The following PRIM2 variants were observed in gnomAD, a reference collection of about 807,000 sequenced individuals.
PRIM2 encodes the protein DNA primase large subunit.
Under a neutral mutation model 67.3 loss-of-function variants are expected in PRIM2, and 39 were observed. The ratio of observed to expected loss-of-function variants is 0.58; its 90% CI spans 0.45 to 0.76. The LOEUF is 0.76. Ranked by LOEUF, PRIM2 falls within the 30% of genes least tolerant of loss-of-function variation. PRIM2 has a pLI of 0.00. For missense variants in PRIM2, 398 were observed against 598.7 expected (o/e 0.66, Z 3.50); for synonymous variants, 143 against 198.7 (o/e 0.72, Z 2.36).
At chr6:57,642,168 G>T (rs1362510370) in intron 13 of PRIM2, among the ~76,000 whole-genome samples, 2 of 152,070 alleles carry the variant, frequency 1.3e-5, no homozygotes, top group Admixed American at 6.5e-5. Context: ...CTCATAAGTG[G>T]GAGTTGAACA....
At chr6:57,599,848 G>A (rs1196349928) in intron 10 of PRIM2, among the ~76,000 whole-genome samples, 8 of 152,176 alleles carry the variant, frequency 5.3e-5, no homozygotes, top group African/African-American at 1.7e-4. Flanking sequence ...TTTTTTTAGA[G>A]TCAGAATATT....
the PRIM2 span, among the ~76,000 whole-genome samples, chr6:57,241,686 G>GTTTTT: frequency 5.7e-3 from 244 of 43,042 alleles, 8 homozygotes; most frequent in African/African-American, 0.016. Flanking sequence ...GCAGAACTAT[G>GTTTTT]TATTTTTTTT....
At chr6:57,276,510 A>T in the PRIM2 span, among the ~76,000 whole-genome samples, 1 of 152,278 alleles carries the variant, frequency 6.6e-6, no homozygotes, top group South Asian at 2.1e-4. Flanking sequence ...ATAGTAAAAA[A>T]GAAAAGGTAG....
At chr6:57,553,659 GT>G (rs1775448752) in intron 10 of PRIM2, among the ~76,000 whole-genome samples, 1 of 151,470 alleles carries the variant, frequency 6.6e-6, no homozygotes, top group Admixed American at 6.6e-5. Context: ...AACTCACTGT[GT>G]AAACCTTGAG....
chr6:57,392,245 C>G (rs9370593), intron 7 of PRIM2, among the ~76,000 whole-genome samples: 2 of 151,984 alleles, frequency 1.3e-5, no homozygotes, highest in Non-Finnish European at 2.9e-5. Flanking sequence ...TGCTGAAGGT[C>G]TTTATCAGCT....
chr6:57,248,746 G>A, the PRIM2 span, among the ~76,000 whole-genome samples: 2 of 152,044 alleles, frequency 1.3e-5, no homozygotes, highest in African/African-American at 2.4e-5. Flanking sequence ...ACTTCCCCTC[G>A]GAAAAAGGAG....
intron 7 of PRIM2, among the ~76,000 whole-genome samples, chr6:57,420,544 A>G (rs1360811652): frequency 2.6e-5 from 4 of 152,192 alleles, no homozygotes; most frequent in Non-Finnish European, 4.4e-5. Context: ...CAATTCTGTG[A>G]GCTTCCTAGT....
chr6:57,516,505 GTTC>G (rs1378480255), intron 8 of PRIM2, among the ~76,000 whole-genome samples: 1 of 152,120 alleles, frequency 6.6e-6, no homozygotes, highest in Non-Finnish European at 1.5e-5. Context: ...TAAGAAATGA[GTTC>G]TTAACAGAAA....
At chr6:57,268,093 C>CA in the PRIM2 span, among the ~76,000 whole-genome samples, 2 of 152,088 alleles carry the variant, frequency 1.3e-5, no homozygotes, top group African/African-American at 4.8e-5. Context: ...AGAAGAGCTC[C>CA]AAGCACATTC....
At chr6:57,269,593 T>G in the PRIM2 span, among the ~76,000 whole-genome samples, 14 of 152,290 alleles carry the variant, frequency 9.2e-5, no homozygotes, top group East Asian at 2.3e-3. Context: ...CTGTTCACTC[T>G]GATGGTAGTT....
intron 13 of PRIM2, among the ~76,000 whole-genome samples, chr6:57,633,421 A>C (rs2127499750): frequency 6.6e-6 from 1 of 152,356 alleles, no homozygotes; most frequent in African/African-American, 2.4e-5. Flanking sequence ...ACCATGCTAA[A>C]GTTTTACAAT....
chr6:57,528,362 G>A lies in PRIM2; in HGVS notation c.762-4049G>A, dbSNP rs1226772863. Among the ~76,000 whole-genome samples, 2 of 151,196 alleles carry A rather than the reference G, an allele frequency of 1.3e-5. 1 individual carries two copies. Among genetic ancestry groups the A allele is most frequent in the African/African-American group, 4.9e-5 (2 of 41,122 alleles). On this transcript the variant is annotated intron_variant, in intron 8 of 13. Transcript: ENST00000615550. ...TACCAATAAAGTCTTTGCATTCATC[G>A]TTGCTAGCATTCTCTTGCTTTTTTT...
intron 7 of PRIM2, among the ~76,000 whole-genome samples, chr6:57,491,348 G>A (rs1773885961): frequency 6.6e-6 from 1 of 152,112 alleles, no homozygotes; most frequent in African/African-American, 2.4e-5. Flanking sequence ...AATTCATATT[G>A]CATTTGATAA....
At chr6:57,432,921 T>C (rs1430941739) in intron 7 of PRIM2, among the ~76,000 whole-genome samples, 1 of 152,242 alleles carries the variant, frequency 6.6e-6, no homozygotes, top group Non-Finnish European at 1.5e-5. Context: ...AGTTAGGACT[T>C]TTAGTTCACA....
At chr6:57,353,946 C>A (rs1412473790) in intron 5 of PRIM2, among the ~76,000 whole-genome samples, 1 of 152,094 alleles carries the variant, frequency 6.6e-6, no homozygotes, top group Non-Finnish European at 1.5e-5. Context: ...TCAAAAGTCA[C>A]CATCATTCTG....
the PRIM2 span, among the ~76,000 whole-genome samples, chr6:57,307,188 T>C: frequency 6.6e-6 from 1 of 151,574 alleles, no homozygotes; most frequent in African/African-American, 2.4e-5. Flanking sequence ...CTTTCCAGTC[T>C]GGGTGACAGA....
chr6:57,382,951 G>C (rs1035096188), intron 7 of PRIM2: 2 of 151,794 alleles, frequency 1.3e-5, no homozygotes, highest in Non-Finnish European at 2.9e-5. Flanking sequence ...GACTCTCTGG[G>C]GTTACCTAAA....
chr6:57,224,734 C>A, the PRIM2 span, among the ~76,000 whole-genome samples: 1 of 152,200 alleles, frequency 6.6e-6, no homozygotes, highest in Non-Finnish European at 1.5e-5. Context: ...AAAATCATTT[C>A]TTTCCTCCCC....
Position 57,318,515 on chromosome 6 carries a change from C to G in PRIM2, c.70C>G (p.His24Asp). The G allele has an allele frequency of 6.2e-7, 1 of 1,605,810 alleles. No homozygotes were observed. Among genetic ancestry groups the G allele is most frequent in the Non-Finnish European group, 8.5e-7 (1 of 1,175,772 alleles). The stretch of plus-strand genomic sequence containing the variant: ...TGACCAGAGGAATGCTTCCTACCCT[C>G]ATTGCCTTCAGTTTTACTTGCAGCC... ...AGDQRNASYP[H>D]CLQFYLQPPS... The change falls in exon 2 of 14, where the codon CAT (histidine) becomes GAT (aspartate). Residue 24 changes from histidine to aspartate, a missense_variant. Coordinates refer to ENST00000615550, the MANE Select transcript of PRIM2 (RefSeq NM_000947.5).
Sources: gnomAD v4.1 joint callset for allele counts (sites outside exome capture counted in the v4.1 genomes callset) on GRCh38, gnomAD v4.1.1 for gene constraint, MANE v1.5 for transcripts, NCBI Gene and HGNC (gene_info 2026-07-23, HGNC 2026-07-21) for gene names.